NR5A2: variants seen among roughly 807,000 people sequenced by gnomAD.
NR5A2 encodes CYP7A promoter-binding factor.
A neutral mutation model predicts 62.7 loss-of-function variants in NR5A2; 26 were observed. That is an observed-to-expected ratio of 0.41 (90% CI 0.30 to 0.58). NR5A2 has a LOEUF of 0.58. Among genes scored for constraint, NR5A2 ranks in the 20% least tolerant of loss-of-function variants. NR5A2 has a pLI of 0.22. For synonymous variants in NR5A2, 246 were observed against 241.7 expected, an observed-to-expected ratio of 1.02 and a Z score of -0.16; for missense variants, 541 against 669.1, an observed-to-expected ratio of 0.81 and a Z score of 2.11.
In NR5A2 at chr1:200,174,214, A is replaced by G; in HGVS notation, c.*4A>G. 1 of 1,583,568 alleles carries G rather than the reference A, an allele frequency of 6.3e-7. No homozygotes were observed. Among genetic ancestry groups the G allele is most frequent in the Non-Finnish European group, 8.6e-7 (1 of 1,163,328 alleles). On this transcript the variant is annotated 3_prime_UTR_variant, in exon 8 of 8. Transcript: ENST00000367362. ...GTTGCATGCCAAAAGAGCATAAGTT[A>G]CAACCCCTAGGAGCTCTGCTTTCAA... is the stretch of plus-strand genomic sequence containing the variant.
At chr1:200,109,824 G>A (rs185951671) in intron 5 of NR5A2, among the ~76,000 whole-genome samples, 23 of 152,258 alleles carry the variant, frequency 1.5e-4, no homozygotes, top group Admixed American at 9.8e-4. Flanking sequence ...GAGTGCAGTG[G>A]CATGATCTCT....
At chr1:200,054,230 A>T (rs1422207754) in intron 5 of NR5A2, 1 of 152,202 alleles carries the variant, frequency 6.6e-6, no homozygotes, top group East Asian at 1.9e-4. Context: ...TCTTTAAACC[A>T]AATCTGTTGA....
intron 6 of NR5A2, among the ~76,000 whole-genome samples, chr1:200,113,992 C>A (rs934744757): frequency 6.6e-6 from 1 of 151,916 alleles, no homozygotes; most frequent in East Asian, 1.9e-4. Flanking sequence ...ACCAGCCTGG[C>A]GAACATGGTG....
At chr1:200,095,767 T>A (rs1665065542) in intron 5 of NR5A2, among the ~76,000 whole-genome samples, 1 of 152,064 alleles carries the variant, frequency 6.6e-6, no homozygotes, top group African/African-American at 2.4e-5. Context: ...TTAGCCAGGA[T>A]GGTGTCGATC....
chr1:200,089,412 C>T (rs1664704313), intron 5 of NR5A2, among the ~76,000 whole-genome samples: 1 of 152,134 alleles, frequency 6.6e-6, no homozygotes, highest in Non-Finnish European at 1.5e-5. Context: ...CCGCCTCAGC[C>T]TCCCAAAATG....
chr1:200,039,680 C>A lies in NR5A2; in HGVS notation c.87C>A (p.His29Gln). ...CAGGTGCTGGGCTTCCGGACCGACACGGATCCCCCATCCCCGCCCGCGGTC... is the reference window on the plus strand; with the variant it reads ...CAGGTGCTGGGCTTCCGGACCGACAAGGATCCCCCATCCCCGCCCGCGGTC... ...TPIGAGLPDR[H>Q]GSPIPARGRL... The change falls in exon 2 of 8, where the codon CAC becomes CAA. Residue 29 changes from histidine (H) to glutamine (Q), a missense_variant. His to Gln is a conservative substitution (Grantham distance 24). Coordinates refer to ENST00000367362, the MANE Select transcript of NR5A2 (RefSeq NM_205860.3). This position sits in a 1 kb window ranked among gnomAD's most constrained non-coding sequence, Gnocchi z 5.1. The A allele has an allele frequency of 3.1e-6, 5 of 1,610,778 alleles. No individual in the cohort carries two copies. The highest frequency in any genetic ancestry group is 4.2e-6 in the Non-Finnish European group (5 of 1,178,754).
intron 5 of NR5A2, among the ~76,000 whole-genome samples, chr1:200,075,247 TTGAC>T (rs1334517110): frequency 6.6e-6 from 1 of 152,228 alleles, no homozygotes; most frequent in African/African-American, 2.4e-5. Context: ...AAGTCAGACA[TTGAC>T]TGCATATCCC....
At chr1:200,047,117 T>A (rs1257234693) in intron 4 of NR5A2, among the ~76,000 whole-genome samples, 2 of 152,180 alleles carry the variant, frequency 1.3e-5, no homozygotes, top group African/African-American at 4.8e-5. Context: ...CTATCAGAGG[T>A]CTCTAGTTTC....
At chr1:200,108,634 A>G (rs1665804503) in intron 5 of NR5A2, among the ~76,000 whole-genome samples, 1 of 152,240 alleles carries the variant, frequency 6.6e-6, no homozygotes, top group African/African-American at 2.4e-5. Flanking sequence ...AAAGTAAAGT[A>G]TTTTGGGCTT....
chr1:200,056,629 A>G (rs1362874745), intron 5 of NR5A2, among the ~76,000 whole-genome samples: 1 of 152,158 alleles, frequency 6.6e-6, no homozygotes, highest in South Asian at 2.1e-4. Context: ...AAGCTCCCTG[A>G]AACTTATGGT....
At chr1:200,063,875 G>A (rs1348261296) in intron 5 of NR5A2, among the ~76,000 whole-genome samples, 1 of 152,190 alleles carries the variant, frequency 6.6e-6, no homozygotes, top group East Asian at 1.9e-4. Context: ...CTGGAGACAT[G>A]ACAGAAGCAA....
chr1:200,047,710 G>A (rs1435261770), intron 4 of NR5A2, among the ~76,000 whole-genome samples: 3 of 151,794 alleles, frequency 2.0e-5, no homozygotes, highest in African/African-American at 7.3e-5. Context: ...CTGAATAGCT[G>A]GGATTACAGG....
intron 5 of NR5A2, among the ~76,000 whole-genome samples, chr1:200,068,110 T>C (rs1005003073): frequency 6.6e-6 from 1 of 152,224 alleles, no homozygotes; most frequent in Non-Finnish European, 1.5e-5. Context: ...ATTTTAAATA[T>C]TTTTTGTAAG....
At chr1:200,036,218 A>C (rs1456421700) in intron 1 of NR5A2, among the ~76,000 whole-genome samples, 1 of 152,044 alleles carries the variant, frequency 6.6e-6, no homozygotes, top group Non-Finnish European at 1.5e-5. Flanking sequence ...CTGTCTTCAT[A>C]TTGTGGCCTC....
At position 200,120,904 on chromosome 1, in the gene NR5A2, T is replaced by G; in HGVS notation, c.1327T>G (p.Phe443Val). ...ELVAKLRSLQ[F>V]DQREFVCLKF... ...AGTGGCAAAACTTCGTTCTCTCCAG[T>G]TTGATCAACGAGAGTTCGTATGTCT... Residue 443 changes from phenylalanine to valine, a missense_variant, in exon 7 of 8, where the codon TTT becomes GTT. By Grantham distance (50) the Phe-to-Val change is conservative. Coordinates refer to ENST00000367362, the MANE Select transcript of NR5A2 (RefSeq NM_205860.3). 1 of 1,613,774 alleles carries G rather than the reference T, an allele frequency of 6.2e-7. No individual in the cohort carries two copies. Among genetic ancestry groups the G allele is most frequent in the Non-Finnish European group, 8.5e-7 (1 of 1,179,866 alleles).
At chr1:200,153,611 G>T (rs1653236636) in intron 7 of NR5A2, among the ~76,000 whole-genome samples, 3 of 152,120 alleles carry the variant, frequency 2.0e-5, no homozygotes, top group African/African-American at 2.4e-5. Flanking sequence ...TGCCAGAGAG[G>T]TTGCTGGTTA....
chr1:200,127,023 C>T (rs774110631), intron 7 of NR5A2, among the ~76,000 whole-genome samples: 1 of 152,100 alleles, frequency 6.6e-6, no homozygotes, highest in Non-Finnish European at 1.5e-5. Flanking sequence ...AAAATGTCCT[C>T]AGGTGAATAA....
chr1:200,089,466 G>T (rs1664706656), intron 5 of NR5A2, among the ~76,000 whole-genome samples: 1 of 148,692 alleles, frequency 6.7e-6, no homozygotes, highest in African/African-American at 2.5e-5. Flanking sequence ...CTGCAACTTT[G>T]TACAACTTTC....
chr1:200,152,877 A>G (rs1383214012), intron 7 of NR5A2, among the ~76,000 whole-genome samples: 1 of 152,172 alleles, frequency 6.6e-6, no homozygotes, highest in East Asian at 1.9e-4. Context: ...TGAAAAGATT[A>G]ATTAGTCTTT....
Sources: gnomAD v4.1 joint callset for allele counts (sites outside exome capture counted in the v4.1 genomes callset) on GRCh38, gnomAD v4.1.1 for gene constraint, Gnocchi (gnomAD v3.1) non-coding constraint, MANE v1.5 for transcripts, NCBI Gene and HGNC (gene_info 2026-07-23, HGNC 2026-07-21) for gene names.